The following GRID2 variants were observed in gnomAD, a reference collection of about 807,000 sequenced individuals.
The protein encoded by GRID2 is glutamate receptor ionotropic, delta-2.
In GRID2, 33 loss-of-function variants were observed where a neutral mutation model predicts 114.8. The ratio of observed to expected loss-of-function variants is 0.29; its 90% CI spans 0.22 to 0.38. The LOEUF is 0.38. GRID2 is among the 10% of genes least tolerant of loss of function. The probability of loss-of-function intolerance (pLI) is 1.00; values close to 1 mark genes in which losing one functional copy is unlikely to be tolerated. For synonymous variants in GRID2, 505 were observed against 449.9 expected (o/e 1.12, Z -1.55); for missense variants, 1,184 against 1,257.7 (o/e 0.94, Z 0.89).
intron 7 of GRID2, among the ~76,000 whole-genome samples, chr4:93,225,578 T>C (rs1004244793): frequency 6.6e-6 from 1 of 152,220 alleles, no homozygotes; most frequent in African/African-American, 2.4e-5. Flanking sequence ...TCTTTCTGCA[T>C]GTATTTTCCT....
At chr4:93,222,701 T>G (rs1296944181) in intron 6 of GRID2, among the ~76,000 whole-genome samples, 2 of 151,906 alleles carry the variant, frequency 1.3e-5, no homozygotes, top group African/African-American at 2.4e-5. Flanking sequence ...CACCTATGAG[T>G]GAGAACATGC....
At chr4:93,680,898 C>G (rs1332065211) in intron 14 of GRID2, among the ~76,000 whole-genome samples, 8 of 151,566 alleles carry the variant, frequency 5.3e-5, no homozygotes, top group Admixed American at 3.3e-4. Flanking sequence ...CTCGCCACTC[C>G]TATTCAACAT....
At chr4:93,763,739 G>T (rs185564563) in intron 14 of GRID2, among the ~76,000 whole-genome samples, 104 of 152,232 alleles carry the variant, frequency 6.8e-4, no homozygotes, top group South Asian at 1.2e-3. Context: ...TCATTATGCC[G>T]GATTACTTAG....
At chr4:93,071,159 ATCT>A (rs1397552912) in intron 2 of GRID2, among the ~76,000 whole-genome samples, 2 of 152,082 alleles carry the variant, frequency 1.3e-5, no homozygotes, top group Admixed American at 1.3e-4. Flanking sequence ...CCATTTAGGG[ATCT>A]TCTTTATCAG....
At chr4:92,616,088 G>A (rs1729992031) in intron 2 of GRID2, among the ~76,000 whole-genome samples, 1 of 151,538 alleles carries the variant, frequency 6.6e-6, no homozygotes, top group South Asian at 2.1e-4. Context: ...TCATTTGTTT[G>A]AGTGGATTCA....
At position 92,804,710 on chromosome 4, in the gene GRID2, CTTAA is replaced by C. The variant is rs560085329; in HGVS notation, c.244+214431_244+214434del. Reference sequence around the variant, plus strand: ...CTAAAAAGTAGCAAGTATCGTATAACTTAATTAATTCACCAAGATTGCTTTGTGA... The same window carrying C: ...CTAAAAAGTAGCAAGTATCGTATAACTTAATTCACCAAGATTGCTTTGTGA... On this transcript the variant is annotated intron_variant, in intron 2 of 15. Coordinates refer to ENST00000282020, the MANE Select transcript of GRID2 (RefSeq NM_001510.4). Among the ~76,000 whole-genome samples, 159 of 152,070 alleles carry C rather than the reference CTTAA, an allele frequency of 1.0e-3. 4 individuals are homozygous for C. In the South Asian group the frequency reaches 0.031, roughly 30 times the overall value.
chr4:93,017,547 C>T (rs905833907), intron 2 of GRID2, among the ~76,000 whole-genome samples: 4 of 152,016 alleles, frequency 2.6e-5, no homozygotes, highest in African/African-American at 9.7e-5. Context: ...CGCGCAGTGG[C>T]TCACACCTAT....
intron 2 of GRID2, among the ~76,000 whole-genome samples, chr4:92,930,902 G>A (rs538231473): frequency 6.6e-6 from 1 of 150,844 alleles, no homozygotes; most frequent in South Asian, 2.1e-4. Context: ...AAAACTCCAG[G>A]CACGGAAAGA....
chr4:92,970,712 T>C (rs1753452559), intron 2 of GRID2, among the ~76,000 whole-genome samples: 1 of 152,092 alleles, frequency 6.6e-6, no homozygotes, highest in South Asian at 2.1e-4. Flanking sequence ...AGTGCACTGA[T>C]ATAAAGCTAA....
chr4:92,344,618 T>C (rs1727675976), intron 1 of GRID2, among the ~76,000 whole-genome samples: 1 of 152,176 alleles, frequency 6.6e-6, no homozygotes. Flanking sequence ...GGCTACAGGC[T>C]AGAATTTTCT....
intron 8 of GRID2, among the ~76,000 whole-genome samples, chr4:93,345,275 A>G (rs1760103805): frequency 6.6e-6 from 1 of 152,048 alleles, no homozygotes; most frequent in East Asian, 1.9e-4. Flanking sequence ...TTCCACTAAC[A>G]GTCTATAAGC....
At chr4:93,790,894 G>A (rs1450576384) in intron 1 of GRID2, among the ~76,000 whole-genome samples, 1 of 152,116 alleles carries the variant, frequency 6.6e-6, no homozygotes, top group Non-Finnish European at 1.5e-5. Context: ...AGTAATAATA[G>A]AACGTTTCTC....
At chr4:92,860,578 T>C (rs1744462842) in intron 2 of GRID2, among the ~76,000 whole-genome samples, 2 of 152,128 alleles carry the variant, frequency 1.3e-5, no homozygotes, top group Non-Finnish European at 2.9e-5. Flanking sequence ...ATTTTTCACC[T>C]TTTCTCTTGA....
At chr4:92,855,081 C>T (rs1744081835) in intron 2 of GRID2, among the ~76,000 whole-genome samples, 2 of 152,042 alleles carry the variant, frequency 1.3e-5, no homozygotes, top group Admixed American at 1.3e-4. Context: ...CATTTTGAAA[C>T]TATAACCATA....
intron 13 of GRID2, among the ~76,000 whole-genome samples, chr4:93,585,991 C>T (rs192749665): frequency 1.3e-5 from 2 of 152,152 alleles, no homozygotes; most frequent in Admixed American, 1.3e-4. Flanking sequence ...GGTGATTTTA[C>T]ATAAACCCAT....
chr4:92,662,743 A>T (rs369894730), intron 2 of GRID2, among the ~76,000 whole-genome samples: 100 of 151,314 alleles, frequency 6.6e-4, no homozygotes, highest in African/African-American at 2.4e-3. Context: ...TTCCAAATCA[A>T]TTGTTTTCTA....
chr4:93,355,040 A>G (rs1327127776), intron 8 of GRID2, among the ~76,000 whole-genome samples: 3 of 151,576 alleles, frequency 2.0e-5, no homozygotes, highest in Non-Finnish European at 2.9e-5. Context: ...ATTATCATCA[A>G]CATGTAAAAA....
chr4:93,072,764 T>C (rs766859431), intron 2 of GRID2, among the ~76,000 whole-genome samples: 1 of 152,138 alleles, frequency 6.6e-6, no homozygotes, highest in African/African-American at 2.4e-5. Flanking sequence ...ACTAGTCTAT[T>C]TTATGACTAG....
intron 1 of GRID2, among the ~76,000 whole-genome samples, chr4:92,344,895 T>A (rs1005306825): frequency 1.3e-5 from 2 of 152,154 alleles, no homozygotes; most frequent in Admixed American, 1.3e-4. Context: ...TAAAAAAAAT[T>A]ATCTCAATAG....
Sources: gnomAD v4.1 joint callset for allele counts (sites outside exome capture counted in the v4.1 genomes callset) on GRCh38, gnomAD v4.1.1 for gene constraint, MANE v1.5 for transcripts, NCBI Gene and HGNC (gene_info 2026-07-23, HGNC 2026-07-21) for gene names.